The following TMEM117 variants were observed in gnomAD, a reference collection of about 807,000 sequenced individuals.
TMEM117 encodes the protein transmembrane protein 117.
A neutral mutation model predicts 52.4 loss-of-function variants in TMEM117; 27 were observed. The ratio of observed to expected loss-of-function variants is 0.51; its 90% CI spans 0.38 to 0.71. The LOEUF is 0.71. TMEM117 is among the 30% of genes least tolerant of loss of function. The pLI, the probability that TMEM117 is intolerant of heterozygous loss-of-function variation, is 0.00. For synonymous variants in TMEM117, 215 were observed against 206.3 expected, an observed-to-expected ratio of 1.04 and a Z score of -0.36; for missense variants, 556 against 630.5, an observed-to-expected ratio of 0.88 and a Z score of 1.26.
intron 3 of TMEM117, among the ~76,000 whole-genome samples, chr12:44,057,412 G>A (rs1947073048): frequency 6.6e-6 from 1 of 152,078 alleles, no homozygotes; most frequent in Non-Finnish European, 1.5e-5. Flanking sequence ...GGAGATAGCA[G>A]CATGATATGA....
rs1445765794 is a variant in TMEM117, at chr12:44,005,288, G to A, written c.410+60946G>A. Among the ~76,000 whole-genome samples, 6 of 152,354 alleles carry A rather than the reference G, an allele frequency of 3.9e-5. No homozygotes were observed. The South Asian group carries it at 8.3e-4, about 21-fold the overall frequency. On this transcript the variant is annotated intron_variant, in intron 3 of 7. Coordinates refer to ENST00000266534, the MANE Select transcript of TMEM117 (RefSeq NM_032256.3). The stretch of plus-strand genomic sequence containing the variant: ...TTTGTTTAATGTCTAAATTTAACGT[G>A]AAACGTCATTTTCATTAAAAAGTAC...
intron 6 of TMEM117, among the ~76,000 whole-genome samples, chr12:44,373,694 A>T (rs1565770280): frequency 6.6e-6 from 1 of 151,608 alleles, no homozygotes; most frequent in Non-Finnish European, 1.5e-5. Flanking sequence ...AGATAGATTC[A>T]GAATACCGTC....
intron 3 of TMEM117, among the ~76,000 whole-genome samples, chr12:44,065,507 A>G (rs1235337896): frequency 6.6e-6 from 1 of 152,140 alleles, no homozygotes; most frequent in East Asian, 1.9e-4. Context: ...AGTTTCTGGG[A>G]CATATTTAGA....
At chr12:43,950,451 G>A (rs1025576836) in intron 3 of TMEM117, among the ~76,000 whole-genome samples, 1 of 151,684 alleles carries the variant, frequency 6.6e-6, no homozygotes, top group Non-Finnish European at 1.5e-5. Flanking sequence ...GTGGGGTCTT[G>A]TGGGGTTGGG....
At chr12:44,149,696 C>G (rs73096900) in intron 4 of TMEM117, among the ~76,000 whole-genome samples, 1 of 152,104 alleles carries the variant, frequency 6.6e-6, no homozygotes, top group Non-Finnish European at 1.5e-5. Flanking sequence ...TGAACAGTAA[C>G]CTGGAATATA....
chr12:44,300,892 C>G (rs1950831129), intron 6 of TMEM117, among the ~76,000 whole-genome samples: 1 of 152,198 alleles, frequency 6.6e-6, no homozygotes, highest in South Asian at 2.1e-4. Flanking sequence ...ATCTGCCTGT[C>G]ACTAAGCTGT....
intron 4 of TMEM117, among the ~76,000 whole-genome samples, chr12:44,149,378 A>G (rs1948689737): frequency 6.6e-6 from 1 of 152,244 alleles, no homozygotes; most frequent in Non-Finnish European, 1.5e-5. Context: ...ATCAAGGGTC[A>G]ATATTCATTT....
intron 4 of TMEM117, among the ~76,000 whole-genome samples, chr12:44,190,522 A>T (rs1949337294): frequency 6.6e-6 from 1 of 152,148 alleles, no homozygotes; most frequent in African/African-American, 2.4e-5. Flanking sequence ...AAGAGAACCC[A>T]CTTAACTTCA....
At chr12:43,957,972 C>T (rs905268248) in intron 3 of TMEM117, among the ~76,000 whole-genome samples, 5 of 152,158 alleles carry the variant, frequency 3.3e-5, no homozygotes, top group Non-Finnish European at 7.3e-5. Context: ...CTGATTGTCT[C>T]ATTAATGAAT....
At chr12:43,952,534 G>A (rs1945241154) in intron 3 of TMEM117, among the ~76,000 whole-genome samples, 1 of 151,894 alleles carries the variant, frequency 6.6e-6, no homozygotes, top group Admixed American at 6.6e-5. Flanking sequence ...GCAGAAGAGA[G>A]AATATCAGAG....
chr12:44,042,206 G>A (rs73089730), intron 3 of TMEM117, among the ~76,000 whole-genome samples: 14,505 of 151,194 alleles, frequency 0.096, 1,099 homozygotes, highest in African/African-American at 0.21. Flanking sequence ...TCCCTTTTCA[G>A]CTATGTGTAA....
chr12:44,210,082 A>G (rs942396688), intron 4 of TMEM117, among the ~76,000 whole-genome samples: 5 of 152,176 alleles, frequency 3.3e-5, no homozygotes, highest in African/African-American at 1.2e-4. Flanking sequence ...AATTTATTTT[A>G]GTGGATGACG....
intron 4 of TMEM117, among the ~76,000 whole-genome samples, chr12:44,152,202 ATTATAT>A (rs1948743163): frequency 9.2e-6 from 1 of 108,962 alleles, no homozygotes; most frequent in Non-Finnish European, 1.6e-5. Flanking sequence ...TATAAATATA[ATTATAT>A]TTATATTATA....
At chr12:44,353,216 G>T (rs528054986) in intron 6 of TMEM117, among the ~76,000 whole-genome samples, 5,145 of 151,938 alleles carry the variant, frequency 0.034, 104 homozygotes, top group Middle Eastern at 0.13. Flanking sequence ...AGATGAGTAG[G>T]TTGTGAAAAT....
chr12:44,180,965 A>G (rs1949189117), intron 4 of TMEM117, among the ~76,000 whole-genome samples: 1 of 152,018 alleles, frequency 6.6e-6, no homozygotes, highest in African/African-American at 2.4e-5. Flanking sequence ...TTACATTCCC[A>G]CCAACAGTGT....
chr12:44,034,810 GGT>G (rs915655484), intron 3 of TMEM117, among the ~76,000 whole-genome samples: 2 of 152,108 alleles, frequency 1.3e-5, no homozygotes, highest in Non-Finnish European at 2.9e-5. Flanking sequence ...ATCAGTTCTG[GGT>G]GTGTCTGTAA....
At chr12:43,994,264 A>G (rs1247994237) in intron 3 of TMEM117, among the ~76,000 whole-genome samples, 2 of 152,188 alleles carry the variant, frequency 1.3e-5, no homozygotes, top group Non-Finnish European at 2.9e-5. Flanking sequence ...TTCTCCAGTC[A>G]GAACTAAGGC....
At chr12:44,147,043 C>G (rs1948652827) in intron 4 of TMEM117, among the ~76,000 whole-genome samples, 1 of 152,096 alleles carries the variant, frequency 6.6e-6, no homozygotes, top group Non-Finnish European at 1.5e-5. Flanking sequence ...TTTCCTGGCT[C>G]TGTGGTACTC....
intron 6 of TMEM117, among the ~76,000 whole-genome samples, chr12:44,331,718 T>C (rs1951272943): frequency 6.6e-6 from 1 of 152,058 alleles, no homozygotes; most frequent in Admixed American, 6.6e-5. Context: ...AATTCAACAA[T>C]TTTTTACTGC....
Sources: gnomAD v4.1 joint callset for allele counts (sites outside exome capture counted in the v4.1 genomes callset) on GRCh38, gnomAD v4.1.1 for gene constraint, MANE v1.5 for transcripts, NCBI Gene and HGNC (gene_info 2026-07-23, HGNC 2026-07-21) for gene names.